Variants in LAMC3 observed in about 807,000 individuals in gnomAD.
LAMC3 encodes the protein laminin subunit gamma-3.
LAMC3 carries 128 observed loss-of-function variants against 173.8 expected under a neutral mutation model. The ratio of observed to expected loss-of-function variants is 0.74; its 90% CI spans 0.64 to 0.85. The LOEUF is 0.85. Ranked by LOEUF, LAMC3 falls within the 40% of genes least tolerant of loss-of-function variation. The pLI is 0.00. For synonymous variants in LAMC3, 897 were observed against 909.1 expected, an observed-to-expected ratio of 0.99 and a Z score of 0.24; for missense variants, 2,022 against 2,156.0, an observed-to-expected ratio of 0.94 and a Z score of 1.23.
chr9:131,030,910 T>G (rs1260432728), intron 2 of LAMC3, among the ~76,000 whole-genome samples: 1 of 152,224 alleles, frequency 6.6e-6, no homozygotes, highest in Non-Finnish European at 1.5e-5. Context: ...AAGCTGCACT[T>G]TAACCAGATC....
At position 131,079,298 on chromosome 9, in the gene LAMC3, G is replaced by A. The variant is rs781602407; in HGVS notation, c.3927G>A (p.Lys1309=). 2 of 1,614,018 alleles carry A rather than the reference G, an allele frequency of 1.2e-6. No individual in the cohort carries two copies. Among genetic ancestry groups the A allele is most frequent in the South Asian group, 1.1e-5 (1 of 91,064 alleles). The change falls in exon 23 of 28, where the codon AAG becomes AAA. Residue 1309 remains lysine, a splice_region_variant and synonymous_variant. Transcript: ENST00000361069. The stretch of plus-strand genomic sequence containing the variant: ...TACGGCAAACAGAACCCCTCACAAA[G>A]GTCAGCTCTTGTGCTTTGAAGCAGG... ...ATLRQTEPLT[K]LHQEARAALT... is the part of the protein sequence containing the mutation.
chr9:131,073,831 C>T (rs1169730254), intron 20 of LAMC3, among the ~76,000 whole-genome samples: 1 of 152,092 alleles, frequency 6.6e-6, no homozygotes, highest in African/African-American at 2.4e-5. Flanking sequence ...ATTCTACTTT[C>T]TGTCTCTATA....
At chr9:131,014,244 G>C (rs1349781766) in intron 1 of LAMC3, among the ~76,000 whole-genome samples, 1 of 152,218 alleles carries the variant, frequency 6.6e-6, no homozygotes, top group African/African-American at 2.4e-5. Context: ...GCCTTGGCTG[G>C]GCCGAGGCAC....
In LAMC3 at chr9:131,038,846, C is replaced by T; in HGVS notation, c.977-18C>T. 1 of 1,612,156 alleles carries T rather than the reference C, an allele frequency of 6.2e-7. No individual in the cohort carries two copies. Among genetic ancestry groups the T allele is most frequent in the Non-Finnish European group, 8.5e-7 (1 of 1,179,850 alleles). Reference sequence around the variant, plus strand: ...CATCACAGGGGACTCACACACCTTTCCCCACTCCTGCCCATAGCCTGCAAC... The same window carrying T: ...CATCACAGGGGACTCACACACCTTTTCCCACTCCTGCCCATAGCCTGCAAC... On this transcript the variant is annotated intron_variant, in intron 4 of 27. Transcript: ENST00000361069.
At chr9:131,028,482 A>G (rs1833768336) in intron 2 of LAMC3, among the ~76,000 whole-genome samples, 1 of 152,206 alleles carries the variant, frequency 6.6e-6, no homozygotes, top group South Asian at 2.1e-4. Context: ...CTGACACCCA[A>G]AAAGAAGTTG....
chr9:131,067,964 ATG>A lies in LAMC3; in HGVS notation c.2594-111_2594-110del, dbSNP rs1412589940. On this transcript the variant is annotated intron_variant, in intron 14 of 27. Transcript: ENST00000361069. ...GCAGTGGCGTCTGAATCTGGGCTGA[ATG>A]TGCCGTATCATCTCTGGAGGCTCCC... 4 of 1,138,270 alleles carry A rather than the reference ATG, an allele frequency of 3.5e-6. No individual in the cohort carries two copies. In the Admixed American group the frequency reaches 6.8e-5, roughly 19 times the overall value. 70.5% of individuals were successfully genotyped at this position (1,138,270 alleles called of 1,614,324 possible). A position where few individuals can be genotyped will look rare whatever the true frequency, so the allele number is the denominator to read the frequency against.
rs398012456 is a variant in LAMC3, at chr9:131,047,165, C to CTTTTTTTTTTTTTTTTTTTTTTTT, written c.1519+1522_1519+1523insTTTTTTTTTTTTTTTTTTTTTTTT. ...AAAACTTTTTGGTCTCTGAATTCCT[C>CTTTTTTTTTTTTTTTTTTTTTTTT]TTTTTTTTTTTTTTTTTAAGACGGA... On this transcript the variant is annotated intron_variant, in intron 8 of 27. Transcript: ENST00000361069. 1.0e-2 allele frequency among the ~76,000 whole-genome samples: 1,015 copies of CTTTTTTTTTTTTTTTTTTTTTTTT among 101,942 alleles called. 107 individuals carry two copies. The highest frequency in any genetic ancestry group is 0.013 in the Non-Finnish European group (665 of 52,440). The allele number at this position is 101,942 out of a possible 152,430, so 66.9% of individuals were successfully genotyped here. A position where few individuals can be genotyped will look rare whatever the true frequency, so the allele number is the denominator to read the frequency against.
chr9:131,064,658 C>A (rs1197012041), intron 13 of LAMC3, among the ~76,000 whole-genome samples: 1 of 91,618 alleles, frequency 1.1e-5, no homozygotes, highest in Non-Finnish European at 2.3e-5. Flanking sequence ...AGCGAGACTC[C>A]GTCTCCAAAA....
At chr9:131,045,473 T>C in intron 7 of LAMC3, 51 bp from the exon 8 acceptor site, 5 of 1,610,726 alleles carry the variant, frequency 3.1e-6, no homozygotes, top group Non-Finnish European at 4.2e-6. Context: ...GCCCCGCCCC[T>C]TCCTGGCTGA....
At chr9:131,032,363 C>T (rs1194399518) in intron 3 of LAMC3, among the ~76,000 whole-genome samples, 188 bp downstream of exon 3, 5 of 152,142 alleles carry the variant, frequency 3.3e-5, no homozygotes, top group Admixed American at 2.0e-4. Flanking sequence ...GGGTCCCCTG[C>T]ATCAGCTGAT....
intron 27 of LAMC3, among the ~76,000 whole-genome samples, chr9:131,090,668 A>G (rs558407692): frequency 6.6e-6 from 1 of 152,306 alleles, no homozygotes; most frequent in Admixed American, 6.5e-5. Flanking sequence ...AGGCGGGTGG[A>G]TCACTGGAGG....
chr9:131,036,322 C>T lies in LAMC3; in HGVS notation c.966C>T (p.His322=), dbSNP rs1387554939. The part of the protein sequence containing the change: ...PWARGTAEAA[H]ECLPCNCSGR... ...CCCGGGGCACCGCCGAGGCTGCCCA[C>T]GAGTGTCTGCGTGAGTGTCTGAGTG... The change falls in exon 4 of 28, where the codon CAC becomes CAT. Residue 322 remains histidine, a synonymous_variant. Transcript: ENST00000361069. 3.1e-6 allele frequency: 5 copies of T among 1,612,760 alleles called. No homozygotes were observed. The highest frequency in any genetic ancestry group is 2.7e-5 in the African/African-American group (2 of 74,872).
In LAMC3 at chr9:131,059,441, G is replaced by A. The variant is rs982259819; in HGVS notation, c.2159-1594G>A. Among the ~76,000 whole-genome samples, 30 of 143,612 alleles carry A rather than the reference G, an allele frequency of 2.1e-4. 1 individual carries two copies. Among genetic ancestry groups the A allele is most frequent in the African/African-American group, 1.5e-4 (6 of 38,816 alleles). The allele number at this position is 143,612 out of a possible 152,430, so 94.2% of individuals were successfully genotyped here. ...CAGGGGGCGGAGGTTGCAGTGAGCCGAGATCGCGCCACTGCACTCCAGCCT... is the reference window on the plus strand; with the variant it reads ...CAGGGGGCGGAGGTTGCAGTGAGCCAAGATCGCGCCACTGCACTCCAGCCT... On this transcript the variant is annotated intron_variant, in intron 12 of 27. Coordinates refer to ENST00000361069, the MANE Select transcript of LAMC3 (RefSeq NM_006059.4).
intron 9 of LAMC3, 150 bp downstream of exon 9, chr9:131,049,280 C>G (rs1834237862): frequency 2.9e-6 from 2 of 683,130 alleles, no homozygotes; most frequent in Non-Finnish European, 5.4e-6. Flanking sequence ...GAGCTAACAT[C>G]AAGGTGTCAG....
At chr9:131,056,398 ACCTG>A (rs1564378924) in intron 11 of LAMC3, among the ~76,000 whole-genome samples, 1 of 151,734 alleles carries the variant, frequency 6.6e-6, no homozygotes, top group Non-Finnish European at 1.5e-5. Context: ...ATCGTTAATA[ACCTG>A]TGGATGGATA....
intron 1 of LAMC3, among the ~76,000 whole-genome samples, chr9:131,021,688 C>T (rs986199138): frequency 6.6e-6 from 1 of 152,156 alleles, no homozygotes; most frequent in Admixed American, 6.5e-5. Context: ...GGCTCAGTCC[C>T]CAAGGCTGTC....
chr9:131,072,580 G>A (rs1472167005), intron 18 of LAMC3, 50 bp from the exon 19 acceptor site: 10 of 1,518,670 alleles, frequency 6.6e-6, no homozygotes, highest in African/African-American at 1.4e-5. Flanking sequence ...GGGGGCTTTT[G>A]TGTGACATCT....
chr9:131,024,393 G>T (rs1366419328), intron 1 of LAMC3, among the ~76,000 whole-genome samples: 1 of 152,158 alleles, frequency 6.6e-6, no homozygotes, highest in African/African-American at 2.4e-5. Flanking sequence ...TGATCCACCC[G>T]CTTCGGCCTC....
At chr9:131,041,262 G>A (rs1231729187) in intron 6 of LAMC3, among the ~76,000 whole-genome samples, 1 of 151,322 alleles carries the variant, frequency 6.6e-6, no homozygotes, top group East Asian at 1.9e-4. Context: ...AACTACTCAG[G>A]AGGCTGAGAC....
Sources: allele counts gnomAD v4.1 joint callset (sites outside exome capture counted in the v4.1 genomes callset), GRCh38; gene constraint gnomAD v4.1.1; transcripts MANE v1.5; gene names NCBI Gene and HGNC (gene_info 2026-07-23, HGNC 2026-07-21).